The following WDR70 variants were observed in gnomAD, a reference collection of about 807,000 sequenced individuals.
WDR70 encodes the protein WD repeat-containing protein 70.
Under a neutral mutation model 88.6 loss-of-function variants are expected in WDR70, and 53 were observed. The observed-to-expected ratio is 0.60, with a 90% CI of 0.48 to 0.75. The LOEUF (loss-of-function observed/expected upper bound fraction) is 0.75, where lower values mean the gene tolerates loss of function less well. WDR70 is among the 30% of genes least tolerant of loss of function. The pLI is 0.00. For missense variants in WDR70, 610 were observed against 823.2 expected, an observed-to-expected ratio of 0.74 and a Z score of 3.17; for synonymous variants, 280 against 270.0, an observed-to-expected ratio of 1.04 and a Z score of -0.36.
chr5:37,520,533 C>G (rs1321486718), intron 9 of WDR70, among the ~76,000 whole-genome samples: 1 of 151,904 alleles, frequency 6.6e-6, no homozygotes. Context: ...AGTTATGTTT[C>G]TTATTTCAGC....
intron 9 of WDR70, among the ~76,000 whole-genome samples, chr5:37,596,739 G>A (rs986487012): frequency 2.0e-5 from 3 of 152,130 alleles, no homozygotes; most frequent in Admixed American, 1.3e-4. Context: ...ATATAATTAT[G>A]TTACATTTAT....
chr5:37,728,368 A>ACAAC (rs1561094196), intron 17 of WDR70, among the ~76,000 whole-genome samples: 1 of 151,004 alleles, frequency 6.6e-6, no homozygotes. Context: ...AAAAAACAAA[A>ACAAC]AAAAAAAACA....
At chr5:37,392,625 T>G (rs1748872213) in intron 4 of WDR70, among the ~76,000 whole-genome samples, 2 of 152,024 alleles carry the variant, frequency 1.3e-5, no homozygotes, top group Non-Finnish European at 2.9e-5. Context: ...ATAACAGGTG[T>G]CAGCTACTGG....
At chr5:37,626,144 A>G (rs1006246591) in intron 10 of WDR70, among the ~76,000 whole-genome samples, 7 of 152,010 alleles carry the variant, frequency 4.6e-5, no homozygotes, top group African/African-American at 1.4e-4. Context: ...TCTGGTTAGG[A>G]CTTCCATTAG....
At chr5:37,392,464 G>T (rs140060497) in intron 4 of WDR70, among the ~76,000 whole-genome samples, 83 of 152,080 alleles carry the variant, frequency 5.5e-4, no homozygotes, top group African/African-American at 2.0e-3. Context: ...GATTATAGAC[G>T]TGAGCATCCT....
chr5:37,409,390 T>C (rs1439534575), intron 5 of WDR70, among the ~76,000 whole-genome samples: 2 of 152,160 alleles, frequency 1.3e-5, no homozygotes, highest in Admixed American at 6.5e-5. Flanking sequence ...AGCTTGACTG[T>C]GTATCTGTCA....
chr5:37,506,006 A>T, intron 8 of WDR70: 1 of 1,581,100 alleles, frequency 6.3e-7, no homozygotes, highest in Admixed American at 1.7e-5. Flanking sequence ...CTCCTTCTGC[A>T]TTAGAACAGA....
chr5:37,674,496 C>T (rs1746136510), intron 10 of WDR70, among the ~76,000 whole-genome samples: 1 of 151,904 alleles, frequency 6.6e-6, no homozygotes, highest in Non-Finnish European at 1.5e-5. Flanking sequence ...CATTTTTTGT[C>T]CTTGTGATAG....
At chr5:37,584,522 T>C (rs1743311314) in intron 9 of WDR70, among the ~76,000 whole-genome samples, 1 of 152,220 alleles carries the variant, frequency 6.6e-6, no homozygotes, top group Admixed American at 6.5e-5. Flanking sequence ...TATCTCCTTT[T>C]CAAATTTGCA....
intron 7 of WDR70, among the ~76,000 whole-genome samples, chr5:37,452,274 T>TG (rs1162177761): frequency 6.6e-6 from 1 of 151,758 alleles, no homozygotes; most frequent in East Asian, 1.9e-4. Flanking sequence ...CTGATTTTTT[T>TG]TTTTTTTTGA....
intron 7 of WDR70, among the ~76,000 whole-genome samples, chr5:37,470,972 C>T (rs965659541): frequency 4.6e-5 from 7 of 152,078 alleles, no homozygotes; most frequent in Non-Finnish European, 8.8e-5. Context: ...ACTTCAACCT[C>T]TGTCTCCTGG....
At chr5:37,692,818 C>A in intron 10 of WDR70, among the ~76,000 whole-genome samples, 1 of 152,132 alleles carries the variant, frequency 6.6e-6, no homozygotes, top group East Asian at 1.9e-4. Flanking sequence ...GACAAGGATG[C>A]CCTCTCTCAC....
intron 9 of WDR70, among the ~76,000 whole-genome samples, chr5:37,557,974 T>A (rs1248139660): frequency 6.8e-6 from 1 of 147,512 alleles, no homozygotes; most frequent in Non-Finnish European, 1.5e-5. Context: ...ATATTTATTA[T>A]GTATGATGAA....
Position 37,545,934 on chromosome 5 carries a change from T to C in WDR70, c.917+29344T>C, listed in dbSNP as rs190725096. Among the ~76,000 whole-genome samples the C allele has an allele frequency of 2.3e-3, 356 of 152,348 alleles. 2 individuals are homozygous for C. Among genetic ancestry groups the C allele is most frequent in the African/African-American group, 8.2e-3 (341 of 41,582 alleles). On this transcript the variant is annotated intron_variant, in intron 9 of 17. Coordinates refer to ENST00000265107, the MANE Select transcript of WDR70 (RefSeq NM_018034.4). Reference sequence around the variant, plus strand: ...TTACTGGTGACATAATTAAGCTCACTAAAAAGCCTGATTTATAATATCTCA... The same window carrying C: ...TTACTGGTGACATAATTAAGCTCACCAAAAAGCCTGATTTATAATATCTCA...
rs184022823 is a variant in WDR70 at position 37,469,596 on chromosome 5, T to C, written c.687-10238T>C. Among the ~76,000 whole-genome samples the C allele has an allele frequency of 2.9e-3, 443 of 152,280 alleles. 1 individual carries two copies. Among genetic ancestry groups the C allele is most frequent in the African/African-American group, 9.9e-3 (413 of 41,580 alleles). On this transcript the variant is annotated intron_variant, in intron 7 of 17. Coordinates refer to ENST00000265107, the MANE Select transcript of WDR70 (RefSeq NM_018034.4). ...TGGGAGTAACAGAAGTAATAGTTAA[T>C]GGAGCCAGAATGCTTGAGTCATGTA...
chr5:37,580,716 C>A (rs682825), intron 9 of WDR70, among the ~76,000 whole-genome samples: 112,023 of 152,110 alleles, frequency 0.74, 41,837 homozygotes, highest in African/African-American at 0.87. Context: ...TTAGAAGTCC[C>A]GAGAGTTAAG....
intron 9 of WDR70, among the ~76,000 whole-genome samples, chr5:37,538,776 T>C (rs1234324544): frequency 6.6e-6 from 1 of 152,202 alleles, no homozygotes; most frequent in Admixed American, 6.5e-5. Context: ...TGATGAAGTA[T>C]TAATAGAACT....
At chr5:37,530,113 A>C (rs1741434404) in intron 9 of WDR70, among the ~76,000 whole-genome samples, 1 of 152,024 alleles carries the variant, frequency 6.6e-6, no homozygotes, top group African/African-American at 2.4e-5. Flanking sequence ...TGTTTATGTG[A>C]TGTATCACAT....
chr5:37,473,761 C>T (rs1360420562), intron 7 of WDR70, among the ~76,000 whole-genome samples: 1 of 152,178 alleles, frequency 6.6e-6, no homozygotes, highest in African/African-American at 2.4e-5. Flanking sequence ...ACCTGTCTTG[C>T]CTTCCTGGAG....
Sources: gnomAD v4.1 joint callset for allele counts (sites outside exome capture counted in the v4.1 genomes callset) on GRCh38, gnomAD v4.1.1 for gene constraint, MANE v1.5 for transcripts, NCBI Gene and HGNC (gene_info 2026-07-23, HGNC 2026-07-21) for gene names.